The following NLK variants were observed in gnomAD, a reference collection of about 807,000 sequenced individuals.
NLK encodes the protein nemo like kinase, also known as serine/threonine-protein kinase NLK.
In NLK, 11 loss-of-function variants were observed where a neutral mutation model predicts 59.0. The ratio of observed to expected loss-of-function variants is 0.19; its 90% confidence interval spans 0.12 to 0.31. NLK has a LOEUF of 0.31. Among genes scored for constraint, NLK ranks in the 10% least tolerant of loss-of-function variants. The pLI, the probability that NLK is intolerant of heterozygous loss-of-function variation, is 1.00. For synonymous variants in NLK, 235 were observed against 235.9 expected, an observed-to-expected ratio of 1.00 and a Z score of 0.03; for missense variants, 410 against 661.1, an observed-to-expected ratio of 0.62 and a Z score of 4.16.
At chr17:28,059,570 G>A (rs186064713) in intron 1 of NLK, among the ~76,000 whole-genome samples, 3 of 152,066 alleles carry the variant, frequency 2.0e-5, no homozygotes, top group Non-Finnish European at 4.4e-5. Flanking sequence ...AGTAGTCTGC[G>A]ATGCTAGAGT....
At chr17:28,149,762 T>C (rs1216621452) in intron 3 of NLK, among the ~76,000 whole-genome samples, 1 of 152,202 alleles carries the variant, frequency 6.6e-6, no homozygotes, top group Non-Finnish European at 1.5e-5. Flanking sequence ...CTTGTTAGGC[T>C]GTTGAGTTTC....
chr17:28,173,801 T>C (rs1263252539), intron 7 of NLK, among the ~76,000 whole-genome samples: 2 of 152,234 alleles, frequency 1.3e-5, no homozygotes, highest in African/African-American at 4.8e-5. Context: ...ACTAATTTAC[T>C]AATGCCTCTT....
At chr17:28,082,661 A>G (rs533541889) in intron 1 of NLK, among the ~76,000 whole-genome samples, 30 of 152,362 alleles carry the variant, frequency 2.0e-4, no homozygotes, top group African/African-American at 6.7e-4. Flanking sequence ...ACTGAAGAGC[A>G]GAATTTAATG....
intron 1 of NLK, among the ~76,000 whole-genome samples, chr17:28,058,119 C>CA (rs1909504672): frequency 6.6e-6 from 1 of 152,206 alleles, no homozygotes; most frequent in African/African-American, 2.4e-5. Context: ...GTAATGTAAA[C>CA]ACCTAGAATG....
chr17:28,104,388 T>C (rs1339964384), intron 1 of NLK, among the ~76,000 whole-genome samples: 2 of 152,102 alleles, frequency 1.3e-5, no homozygotes, highest in Admixed American at 6.6e-5. Context: ...CCTGAGTAGC[T>C]GGGATTACAG....
chr17:28,184,244 T>C (rs959416067), intron 7 of NLK, among the ~76,000 whole-genome samples: 2 of 152,262 alleles, frequency 1.3e-5, no homozygotes, highest in Non-Finnish European at 2.9e-5. Context: ...CCTTTAGGAC[T>C]AATATCTCAG....
rs1391387868 is a variant in NLK at position 28,043,148 on chromosome 17, C to T, written c.275C>T (p.Pro92Leu). 1.9e-6 allele frequency: 3 copies of T among 1,612,978 alleles called. No individual in the cohort carries two copies. The highest frequency in any genetic ancestry group is 2.5e-6 in the Non-Finnish European group (3 of 1,179,506). Residue 92 changes from proline (P) to leucine (L), a missense_variant, in exon 1 of 11, where the codon CCA (proline) becomes CTA (leucine). Pro to Leu is a moderately conservative substitution (Grantham distance 98). Coordinates refer to ENST00000407008, the MANE Select transcript of NLK (RefSeq NM_016231.5). Reference sequence around the variant, plus strand: ...ATGTTAAACCCTGGGCAACAACAGCCATATTTCCCATCACCGGCACCGGGG... The same window carrying T: ...ATGTTAAACCCTGGGCAACAACAGCTATATTTCCCATCACCGGCACCGGGG... The part of the protein sequence containing the change: ...AAMLNPGQQQ[P>L]YFPSPAPGQA...
chr17:28,109,143 C>A (rs367940747), intron 1 of NLK, among the ~76,000 whole-genome samples: 1 of 151,810 alleles, frequency 6.6e-6, no homozygotes, highest in South Asian at 2.1e-4. Context: ...TGCACTCCAG[C>A]CTGGGCAACA....
rs1254311499 is a variant in NLK at position 28,043,101 on chromosome 17, AGCAGCGGCT to A, written c.234_242del (p.Ala81_Ala83del). On this transcript the variant is annotated inframe_deletion, in exon 1 of 11. Coordinates refer to ENST00000407008, the MANE Select transcript of NLK (RefSeq NM_016231.5). ...CCTCTTCGGCAGCTGCGGCAGCCGCAGCAGCGGCTGCAGCTGCAGCCATGTTAAACCCTG... is the reference window on the plus strand; with the variant it reads ...CCTCTTCGGCAGCTGCGGCAGCCGCAGCAGCTGCAGCCATGTTAAACCCTG... The A allele has an allele frequency of 7.6e-6, 12 of 1,584,936 alleles. No individual in the cohort carries two copies. Among genetic ancestry groups the A allele is most frequent in the African/African-American group, 2.7e-5 (2 of 73,982 alleles).
intron 1 of NLK, among the ~76,000 whole-genome samples, chr17:28,078,054 C>T (rs572416124): frequency 2.4e-4 from 36 of 152,028 alleles, no homozygotes; most frequent in Admixed American, 3.3e-4. Flanking sequence ...AAAGTGCTAT[C>T]GATTGAAGCT....
intron 3 of NLK, among the ~76,000 whole-genome samples, chr17:28,155,511 CA>C (rs1907665047): frequency 6.6e-6 from 1 of 152,070 alleles, no homozygotes; most frequent in Admixed American, 6.6e-5. Context: ...TTCACAATAG[CA>C]AAAGACTTGG....
chr17:28,063,070 T>G (rs1208237069), intron 1 of NLK, among the ~76,000 whole-genome samples: 3 of 152,118 alleles, frequency 2.0e-5, no homozygotes, highest in Non-Finnish European at 4.4e-5. Context: ...TAGCTGGGAC[T>G]ATAGGCGTAC....
At chr17:28,182,257 G>A (rs970478783) in intron 7 of NLK, among the ~76,000 whole-genome samples, 17 of 151,996 alleles carry the variant, frequency 1.1e-4, no homozygotes, top group African/African-American at 3.6e-4. Context: ...TCTTGGTGTT[G>A]TTTTTGTTTG....
At chr17:28,175,416 A>AC (rs1908640916) in intron 7 of NLK, among the ~76,000 whole-genome samples, 1 of 151,092 alleles carries the variant, frequency 6.6e-6, no homozygotes, top group Non-Finnish European at 1.5e-5. Flanking sequence ...ACGCCACTGC[A>AC]CTCCAGCCTG....
chr17:28,122,548 G>A (rs2142819327), intron 1 of NLK, 55 bp from the exon 2 acceptor site: 3 of 1,590,734 alleles, frequency 1.9e-6, no homozygotes, highest in Non-Finnish European at 2.6e-6. Flanking sequence ...AAAACAAGGT[G>A]TGGAACTGAT....
chr17:28,052,374 T>A (rs866109706), intron 1 of NLK, among the ~76,000 whole-genome samples: 3 of 152,212 alleles, frequency 2.0e-5, no homozygotes, highest in African/African-American at 4.8e-5. Flanking sequence ...AACAAATTTC[T>A]TTCCAGGAGT....
chr17:28,189,682 C>A (rs1909242544), intron 8 of NLK, among the ~76,000 whole-genome samples: 1 of 152,176 alleles, frequency 6.6e-6, no homozygotes, highest in Non-Finnish European at 1.5e-5. Flanking sequence ...TGGGTTCAAA[C>A]AGTGGAACAC....
intron 5 of NLK, among the ~76,000 whole-genome samples, chr17:28,167,107 A>T (rs956296333): frequency 2.0e-5 from 3 of 152,352 alleles, no homozygotes. Context: ...CTTTAAAGAA[A>T]TTCACATATA....
At chr17:28,081,636 T>G (rs149013644) in intron 1 of NLK, among the ~76,000 whole-genome samples, 369 of 152,320 alleles carry the variant, frequency 2.4e-3, no homozygotes, top group Non-Finnish European at 4.4e-3. Context: ...ACCTGAAGCC[T>G]CTGTTGTTAA....
Sources: allele counts gnomAD v4.1 joint callset (sites outside exome capture counted in the v4.1 genomes callset), GRCh38; gene constraint gnomAD v4.1.1; transcripts MANE v1.5; gene names NCBI Gene and HGNC (gene_info 2026-07-23, HGNC 2026-07-21).